GNG12: variants seen among roughly 807,000 people sequenced by gnomAD.
The protein encoded by GNG12 is G protein subunit gamma 12, also known as guanine nucleotide-binding protein G(I)/G(S)/G(O) subunit gamma-12.
For synonymous variants in GNG12, 28 were observed against 29.7 expected, an observed-to-expected ratio of 0.94 and a Z score of 0.19; for missense variants, 69 against 83.8, an observed-to-expected ratio of 0.82 and a Z score of 0.69.
chr1:67,824,837 A>C (rs1331220422), intron 1 of GNG12, among the ~76,000 whole-genome samples: 3 of 152,162 alleles, frequency 2.0e-5, no homozygotes, highest in Non-Finnish European at 2.9e-5. Flanking sequence ...AGGTAAGCAC[A>C]GTGAGTGTGG....
chr1:67,802,147 C>T (rs954710779), intron 1 of GNG12, among the ~76,000 whole-genome samples: 1 of 152,034 alleles, frequency 6.6e-6, no homozygotes, highest in African/African-American at 2.4e-5. Context: ...CCTGGGTGAC[C>T]AGAGGAATGA....
At chr1:67,742,126 G>A (rs978307433) in intron 2 of GNG12, among the ~76,000 whole-genome samples, 4 of 152,204 alleles carry the variant, frequency 2.6e-5, no homozygotes, top group African/African-American at 9.7e-5. Context: ...TTGCTACTTA[G>A]AGGGGGCATC....
chr1:67,757,024 C>A lies in GNG12; in HGVS notation c.-27+20434G>T, dbSNP rs540247200. 2.0e-5 allele frequency among the ~76,000 whole-genome samples: 3 copies of A among 152,250 alleles called. No homozygotes were observed. The South Asian group carries it at 6.2e-4, about 32-fold the overall frequency. ...TAAATGTGCCATTTAAGTTGAGTAT[C>A]CCTTATTCAAAATGCTTGTCACCAG... On this transcript the variant is annotated intron_variant, in intron 2 of 3. Coordinates refer to ENST00000370982, the MANE Select transcript of GNG12 (RefSeq NM_018841.6).
chr1:67,816,602 C>G (rs772106415), intron 1 of GNG12, among the ~76,000 whole-genome samples: 1 of 152,132 alleles, frequency 6.6e-6, no homozygotes, highest in Non-Finnish European at 1.5e-5. Context: ...CCAGGTGGGC[C>G]CTGCCACTTA....
rs561598827 is a variant in GNG12, at chr1:67,783,130, T to C, written c.-76-5623A>G. Among the ~76,000 whole-genome samples, 6 of 152,342 alleles carry C rather than the reference T, an allele frequency of 3.9e-5. No individual in the cohort carries two copies. In the South Asian group the frequency reaches 1.2e-3, roughly 32 times the overall value. ...CACAGTGCCACTAGGACGAACTCCA[T>C]GAATTATGGCTACTATTTCTTTCTA... On this transcript the variant is annotated intron_variant, in intron 1 of 3. Transcript: ENST00000370982.
At position 67,777,487 on chromosome 1, in the gene GNG12, C is replaced by G; in HGVS notation, c.-56G>C. 1 of 915,652 alleles carries G rather than the reference C, an allele frequency of 1.1e-6. No homozygotes were observed. Among genetic ancestry groups the G allele is most frequent in the Non-Finnish European group, 1.3e-6 (1 of 766,252 alleles). The allele number at this position is 915,652 out of a possible 1,614,324, so 56.7% of individuals were successfully genotyped here. A position where few individuals can be genotyped will look rare whatever the true frequency, so the allele number is the denominator to read the frequency against. Reference sequence around the variant, plus strand: ...AAGACTTTGTGTGGTCCAATGTTTTCAGGTTTTAAGTGGAATGAATCTGAA... The same window carrying G: ...AAGACTTTGTGTGGTCCAATGTTTTGAGGTTTTAAGTGGAATGAATCTGAA... On this transcript the variant is annotated 5_prime_UTR_variant, in exon 2 of 4. Coordinates refer to ENST00000370982, the MANE Select transcript of GNG12 (RefSeq NM_018841.6).
chr1:67,831,109 C>T (rs544548696), intron 1 of GNG12, among the ~76,000 whole-genome samples: 9 of 152,320 alleles, frequency 5.9e-5, no homozygotes, highest in Admixed American at 4.6e-4. Context: ...GTTAAACAAG[C>T]TTCTCTTCCA....
At chr1:67,775,155 T>C (rs1466446897) in intron 2 of GNG12, among the ~76,000 whole-genome samples, 2 of 152,234 alleles carry the variant, frequency 1.3e-5, no homozygotes, top group African/African-American at 4.8e-5. Context: ...TTAATCATAT[T>C]TATGATTTAT....
chr1:67,823,630 GT>G (rs1384445314), intron 1 of GNG12, among the ~76,000 whole-genome samples: 1 of 152,190 alleles, frequency 6.6e-6, no homozygotes, highest in Non-Finnish European at 1.5e-5. Context: ...AATTACCGTT[GT>G]GCAGAAACCA....
chr1:67,832,562 A>G (rs1647053485), intron 1 of GNG12: 1 of 152,120 alleles, frequency 6.6e-6, no homozygotes, highest in African/African-American at 2.4e-5. Flanking sequence ...ATTAAAATGA[A>G]AAACAGAATT....
intron 1 of GNG12, among the ~76,000 whole-genome samples, chr1:67,824,843 T>C (rs923133919): frequency 1.3e-5 from 2 of 151,906 alleles, no homozygotes; most frequent in Non-Finnish European, 2.9e-5. Context: ...GCACAGTGAG[T>C]GTGGAGAGGG....
rs900140442 is a variant in GNG12, at chr1:67,702,135, A to G, written c.*3316T>C. On this transcript the variant is annotated 3_prime_UTR_variant, in exon 4 of 4. Coordinates refer to ENST00000370982, the MANE Select transcript of GNG12 (RefSeq NM_018841.6). ...ATGATCCAGGCCACTGACTTCAGGT[A>G]AGTGCTCTATTTTAACATACAGATA... 1 of 152,338 alleles carries G rather than the reference A, an allele frequency of 6.6e-6. No individual in the cohort carries two copies. The highest frequency in any genetic ancestry group is 1.5e-5 in the Non-Finnish European group (1 of 68,058). The allele number at this position is 152,338 out of a possible 1,614,324, so 9.4% of individuals were successfully genotyped here.
chr1:67,739,754 A>C (rs1404964286), intron 2 of GNG12, among the ~76,000 whole-genome samples: 2 of 152,232 alleles, frequency 1.3e-5, no homozygotes, highest in African/African-American at 4.8e-5. Flanking sequence ...CTGGGCATAA[A>C]CCAGACATAG....
At chr1:67,796,229 C>T (rs996102310) in intron 1 of GNG12, among the ~76,000 whole-genome samples, 2 of 152,136 alleles carry the variant, frequency 1.3e-5, no homozygotes, top group Non-Finnish European at 2.9e-5. Flanking sequence ...ACTACATTAT[C>T]CCCAGTGTCT....
chr1:67,821,326 CA>C (rs1361528091), intron 1 of GNG12, among the ~76,000 whole-genome samples: 1 of 136,106 alleles, frequency 7.3e-6, no homozygotes. Flanking sequence ...AGAGATGCAG[CA>C]AAAACAAAAA....
At chr1:67,772,738 C>A (rs1459463542) in intron 2 of GNG12, 1 of 152,170 alleles carries the variant, frequency 6.6e-6, no homozygotes, top group Admixed American at 6.6e-5. Context: ...CAGGCCTTAG[C>A]CAAAGTGATG....
chr1:67,714,662 C>A (rs996731633), intron 2 of GNG12, among the ~76,000 whole-genome samples: 1 of 152,128 alleles, frequency 6.6e-6, no homozygotes, highest in East Asian at 1.9e-4. Flanking sequence ...CACTGGACTG[C>A]GGGGCTGGAA....
chr1:67,832,450 G>A (rs968068809), intron 1 of GNG12: 1 of 152,200 alleles, frequency 6.6e-6, no homozygotes, highest in Non-Finnish European at 1.5e-5. Context: ...AGTTATGAAT[G>A]ATTTAAGCCA....
chr1:67,767,239 C>T (rs895066843), intron 2 of GNG12, among the ~76,000 whole-genome samples: 2 of 152,156 alleles, frequency 1.3e-5, no homozygotes, highest in East Asian at 1.9e-4. Flanking sequence ...CCCCATGTCA[C>T]GTGTGCTGGC....
Sources: allele counts gnomAD v4.1 joint callset (sites outside exome capture counted in the v4.1 genomes callset), GRCh38; gene constraint gnomAD v4.1.1; transcripts MANE v1.5; gene names NCBI Gene and HGNC (gene_info 2026-07-23, HGNC 2026-07-21).